LHFPL3: variants seen among roughly 807,000 people sequenced by gnomAD.
The protein encoded by LHFPL3 is LHFPL tetraspan subfamily member 3.
In LHFPL3, 5 loss-of-function variants were observed where a neutral mutation model predicts 19.3. That is an observed-to-expected ratio of 0.26 (90% CI 0.14 to 0.54). The LOEUF (loss-of-function observed/expected upper bound fraction) is 0.54, where lower values mean the gene tolerates loss of function less well. Ranked by LOEUF, LHFPL3 falls within the 20% of genes least tolerant of loss-of-function variation. The pLI is 0.94. For synonymous variants in LHFPL3, 133 were observed against 126.2 expected (o/e 1.05, Z -0.36); for missense variants, 249 against 307.4 (o/e 0.81, Z 1.42).
chr7:104,873,109 G>A (rs748673363), intron 2 of LHFPL3, among the ~76,000 whole-genome samples: 1 of 152,198 alleles, frequency 6.6e-6, no homozygotes, highest in African/African-American at 2.4e-5. Flanking sequence ...CATATATGCA[G>A]CCTGTTGTAG....
intron 2 of LHFPL3, among the ~76,000 whole-genome samples, chr7:104,772,680 G>A (rs543678420): frequency 3.5e-4 from 53 of 152,344 alleles, no homozygotes; most frequent in African/African-American, 1.1e-3. Flanking sequence ...GCTGCCTCGA[G>A]GTAGAGAAGA....
At chr7:104,751,601 G>A (rs1794174050) in intron 2 of LHFPL3, among the ~76,000 whole-genome samples, 1 of 151,188 alleles carries the variant, frequency 6.6e-6, no homozygotes, top group Non-Finnish European at 1.5e-5. Context: ...AAATTGAGAG[G>A]GTGAGAGAGA....
intron 1 of LHFPL3, among the ~76,000 whole-genome samples, chr7:104,468,488 T>C (rs1354714131): frequency 6.6e-6 from 1 of 152,074 alleles, no homozygotes; most frequent in African/African-American, 2.4e-5. Flanking sequence ...TGTCATGGCT[T>C]TTTGGGGGTA....
chr7:104,649,787 A>T (rs2385254), intron 1 of LHFPL3, among the ~76,000 whole-genome samples: 147,190 of 152,280 alleles, frequency 0.97, 71,286 homozygotes, highest in Non-Finnish European at 1. Flanking sequence ...CCCAAATTGG[A>T]ACATGGGCTG....
intron 1 of LHFPL3, among the ~76,000 whole-genome samples, chr7:104,451,092 A>G (rs918069750): frequency 3.9e-5 from 6 of 152,258 alleles, no homozygotes; most frequent in South Asian, 2.1e-4. Context: ...CCTAAAACCA[A>G]CTGAGACTAG....
chr7:104,577,743 G>A (rs1343116520), intron 1 of LHFPL3, among the ~76,000 whole-genome samples: 3 of 152,122 alleles, frequency 2.0e-5, no homozygotes, highest in African/African-American at 7.2e-5. Flanking sequence ...TCTCCATAAT[G>A]TAAGGCATAT....
intron 1 of LHFPL3, among the ~76,000 whole-genome samples, chr7:104,365,746 A>G (rs1190030295): frequency 7.4e-6 from 1 of 135,398 alleles, no homozygotes; most frequent in Non-Finnish European, 1.6e-5. Context: ...GCGCCACTGC[A>G]GTCCGCAGTC....
chr7:104,577,433 G>C (rs747664484), intron 1 of LHFPL3, among the ~76,000 whole-genome samples: 22 of 152,118 alleles, frequency 1.4e-4, no homozygotes, highest in Admixed American at 2.6e-4. Context: ...GAGGAACAGT[G>C]TTAATCCTGT....
intron 1 of LHFPL3, among the ~76,000 whole-genome samples, chr7:104,381,103 C>T (rs1790819203): frequency 1.3e-5 from 2 of 152,088 alleles, no homozygotes; most frequent in Admixed American, 6.6e-5. Context: ...AGCTACTAGA[C>T]GAGATAGAAA....
intron 1 of LHFPL3, among the ~76,000 whole-genome samples, chr7:104,341,910 A>C (rs1030908329): frequency 6.6e-6 from 1 of 151,624 alleles, no homozygotes; most frequent in Admixed American, 6.6e-5. Flanking sequence ...AAAAAAAAGG[A>C]TTCATCAGAA....
At chr7:104,455,510 C>T (rs1371803023) in intron 1 of LHFPL3, among the ~76,000 whole-genome samples, 1 of 152,118 alleles carries the variant, frequency 6.6e-6, no homozygotes, top group Admixed American at 6.6e-5. Flanking sequence ...TGCCTGAGGT[C>T]AAGAGTTTGA....
chr7:104,779,560 C>T (rs1273628627), intron 2 of LHFPL3, among the ~76,000 whole-genome samples: 2 of 152,056 alleles, frequency 1.3e-5, no homozygotes, highest in African/African-American at 2.4e-5. Flanking sequence ...TCTCCCTGCA[C>T]CAGGCACAGG....
chr7:104,346,195 C>T (rs1790061587), intron 1 of LHFPL3, among the ~76,000 whole-genome samples: 1 of 151,972 alleles, frequency 6.6e-6, no homozygotes, highest in Admixed American at 6.5e-5. Flanking sequence ...GCTACCATGC[C>T]TGGCTAATTT....
chr7:104,381,594 G>T (rs1790830904), intron 1 of LHFPL3, among the ~76,000 whole-genome samples: 1 of 150,102 alleles, frequency 6.7e-6, no homozygotes, highest in Non-Finnish European at 1.5e-5. Context: ...GTTATTAAAT[G>T]TTTACTATGT....
At chr7:104,524,031 AT>A (rs1562925254) in intron 1 of LHFPL3, among the ~76,000 whole-genome samples, 1 of 152,132 alleles carries the variant, frequency 6.6e-6, no homozygotes, top group Non-Finnish European at 1.5e-5. Context: ...ATATAATAGA[AT>A]CTTGACAGAC....
intron 1 of LHFPL3, among the ~76,000 whole-genome samples, chr7:104,610,107 G>T (rs1323213042): frequency 6.6e-6 from 1 of 152,114 alleles, no homozygotes; most frequent in Non-Finnish European, 1.5e-5. Flanking sequence ...AGTTGGTTGT[G>T]TAGCTATTTT....
chr7:104,562,284 A>G (rs968113018), intron 1 of LHFPL3, among the ~76,000 whole-genome samples: 4 of 151,954 alleles, frequency 2.6e-5, no homozygotes, highest in African/African-American at 9.7e-5. Flanking sequence ...GTGTTTTCCA[A>G]CTTGGTTCCA....
intron 1 of LHFPL3, among the ~76,000 whole-genome samples, chr7:104,578,756 A>G (rs528784865): frequency 8.5e-5 from 13 of 152,250 alleles, no homozygotes; most frequent in Admixed American, 3.9e-4. Flanking sequence ...TTCACTCTAA[A>G]TTCAAGGCAT....
intron 1 of LHFPL3, among the ~76,000 whole-genome samples, chr7:104,732,829 T>G (rs993098498): frequency 6.6e-6 from 1 of 152,214 alleles, no homozygotes; most frequent in Admixed American, 6.5e-5. Context: ...GATGTCAATT[T>G]TAGATCTTTC....
Sources: gnomAD v4.1 joint callset for allele counts (sites outside exome capture counted in the v4.1 genomes callset) on GRCh38, gnomAD v4.1.1 for gene constraint, MANE v1.5 for transcripts, NCBI Gene and HGNC (gene_info 2026-07-23, HGNC 2026-07-21) for gene names.